Variants in TRPC7 observed in about 807,000 individuals in gnomAD.
TRPC7 encodes the protein transient receptor potential cation channel subfamily C member 7, also known as short transient receptor potential channel 7.
A neutral mutation model predicts 90.1 loss-of-function variants in TRPC7; 42 were observed. That is an observed-to-expected ratio of 0.47 (90% CI 0.36 to 0.60). The LOEUF is 0.60. Ranked by LOEUF, TRPC7 falls within the 20% of genes least tolerant of loss-of-function variation. The pLI, the probability that TRPC7 is intolerant of heterozygous loss-of-function variation, is 0.00. For missense variants in TRPC7, 955 were observed against 1,112.3 expected, an observed-to-expected ratio of 0.86 and a Z score of 2.01; for synonymous variants, 451 against 436.3, an observed-to-expected ratio of 1.03 and a Z score of -0.42.
chr5:136,279,736 C>T (rs1290738681), intron 3 of TRPC7, among the ~76,000 whole-genome samples: 1 of 152,186 alleles, frequency 6.6e-6, no homozygotes, highest in African/African-American at 2.4e-5. Flanking sequence ...AGCAAGTTTT[C>T]TTGGATTATT....
intron 2 of TRPC7, among the ~76,000 whole-genome samples, chr5:136,318,429 A>G (rs1759095057): frequency 1.3e-5 from 2 of 151,852 alleles, no homozygotes; most frequent in Non-Finnish European, 2.9e-5. Flanking sequence ...GAGTAAAGTG[A>G]GACCAGAGAG....
In TRPC7 at chr5:136,213,215, G is replaced by C. The variant is rs574277368; in HGVS notation, c.*220C>G. On this transcript the variant is annotated 3_prime_UTR_variant, in exon 12 of 12. Transcript: ENST00000513104. The stretch of plus-strand genomic sequence containing the variant: ...GGGGCTGTTCCTCCCCTCCTCCCAT[G>C]GTAGCTTTTCTTACCCAACCACCTA... 4 of 556,014 alleles carry C rather than the reference G, an allele frequency of 7.2e-6. No individual in the cohort carries two copies. Among genetic ancestry groups the C allele is most frequent in the Admixed American group, 6.5e-5 (2 of 30,614 alleles). The allele number at this position is 556,014 out of a possible 1,614,324, so 34.4% of individuals were successfully genotyped here.
intron 3 of TRPC7, among the ~76,000 whole-genome samples, chr5:136,293,653 A>C (rs1259075891): frequency 6.6e-6 from 1 of 152,244 alleles, no homozygotes; most frequent in Non-Finnish European, 1.5e-5. Flanking sequence ...ATACAAGCAA[A>C]TGGGAGAACA....
chr5:136,332,641 T>C (rs960652894), intron 2 of TRPC7, among the ~76,000 whole-genome samples: 21 of 152,092 alleles, frequency 1.4e-4, no homozygotes, highest in Non-Finnish European at 1.3e-4. Context: ...GAGGATTTAT[T>C]GATGAATGCT....
chr5:136,339,243 G>A (rs978888713), intron 2 of TRPC7, among the ~76,000 whole-genome samples: 1 of 152,176 alleles, frequency 6.6e-6, no homozygotes, highest in African/African-American at 2.4e-5. Context: ...TTGGTTTACA[G>A]TTTAACTTTA....
chr5:136,266,288 T>C lies in TRPC7; in HGVS notation c.1277A>G (p.Lys426Arg), dbSNP rs768816927. ...TGTGGTTTTCACTCTGAAGATTTGT[T>C]TTGGGTAGTCTGTGAAGGTTTCGTT... The part of the protein sequence containing the change: ...LPNETFTDYP[K>R]QIFRVKTTQF... The change falls in exon 5 of 12, where the codon AAA becomes AGA. Residue 426 changes from lysine (K) to arginine (R), a missense_variant. Around this residue, in one of 4 missense-constraint regions of TRPC7, gnomAD observed 484 missense variants for 509.6 expected, o/e 0.95. Coordinates refer to ENST00000513104, the MANE Select transcript of TRPC7 (RefSeq NM_020389.3). The C allele has an allele frequency of 6.2e-7, 1 of 1,613,968 alleles. No individual in the cohort carries two copies. Among genetic ancestry groups the C allele is most frequent in the Non-Finnish European group, 8.5e-7 (1 of 1,179,822 alleles).
chr5:136,240,707 T>C (rs1282992010), intron 7 of TRPC7, among the ~76,000 whole-genome samples: 1 of 152,182 alleles, frequency 6.6e-6, no homozygotes, highest in Admixed American at 6.5e-5. Flanking sequence ...GAGGATGGGC[T>C]TGGACTCATG....
At chr5:136,262,592 AT>A (rs1263371785) in intron 5 of TRPC7, among the ~76,000 whole-genome samples, 2 of 152,346 alleles carry the variant, frequency 1.3e-5, no homozygotes, top group African/African-American at 4.8e-5. Context: ...ATACTAAGAA[AT>A]TATTAATTTT....
chr5:136,303,472 G>T (rs1358412998), intron 3 of TRPC7, among the ~76,000 whole-genome samples: 1 of 152,042 alleles, frequency 6.6e-6, no homozygotes, highest in Admixed American at 6.5e-5. Context: ...GCAATTCCTT[G>T]CCTCCACTGT....
chr5:136,296,784 GT>G, intron 3 of TRPC7, among the ~76,000 whole-genome samples: 1 of 152,254 alleles, frequency 6.6e-6, no homozygotes, highest in African/African-American at 2.4e-5. Flanking sequence ...TTTTTATAAT[GT>G]TTTTTCAGTA....
At chr5:136,360,854 T>A (rs1561734640) in intron 1 of TRPC7, among the ~76,000 whole-genome samples, 2 of 152,236 alleles carry the variant, frequency 1.3e-5, no homozygotes. Context: ...TGTGGCCTTT[T>A]TATTAGCTCT....
At chr5:136,326,071 G>C (rs1759334454) in intron 2 of TRPC7, among the ~76,000 whole-genome samples, 1 of 152,208 alleles carries the variant, frequency 6.6e-6, no homozygotes, top group African/African-American at 2.4e-5. Context: ...ATAAGGGGCA[G>C]CTGGTAAGAA....
At chr5:136,278,954 C>T (rs952591003) in intron 3 of TRPC7, among the ~76,000 whole-genome samples, 1 of 152,086 alleles carries the variant, frequency 6.6e-6, no homozygotes, top group Admixed American at 6.5e-5. Context: ...CTCTGGAATG[C>T]TTCTTGGTTA....
intron 3 of TRPC7, among the ~76,000 whole-genome samples, chr5:136,307,019 A>C (rs1478029875): frequency 6.6e-6 from 1 of 152,228 alleles, no homozygotes; most frequent in Non-Finnish European, 1.5e-5. Flanking sequence ...ACGGACATGC[A>C]TGAAAATAGT....
At chr5:136,349,072 C>A (rs778519502) in intron 2 of TRPC7, among the ~76,000 whole-genome samples, 2 of 152,076 alleles carry the variant, frequency 1.3e-5, no homozygotes, top group Admixed American at 6.5e-5. Context: ...ATCTTTTCCA[C>A]GGAGATATTT....
At chr5:136,224,128 C>G (rs567079726) in intron 10 of TRPC7, among the ~76,000 whole-genome samples, 15 of 152,120 alleles carry the variant, frequency 9.9e-5, no homozygotes, top group Non-Finnish European at 2.2e-4. Flanking sequence ...GAAGGTGGCA[C>G]CAGGGGCACA....
chr5:136,235,488 T>C (rs1755954076), intron 7 of TRPC7, among the ~76,000 whole-genome samples: 1 of 152,118 alleles, frequency 6.6e-6, no homozygotes, highest in Non-Finnish European at 1.5e-5. Flanking sequence ...AATGAGTCAA[T>C]AGTAAATCAG....
intron 3 of TRPC7, among the ~76,000 whole-genome samples, chr5:136,299,992 A>C (rs1387337186): frequency 6.6e-6 from 1 of 152,188 alleles, no homozygotes; most frequent in East Asian, 1.9e-4. Flanking sequence ...GAACATAATG[A>C]TTAGTATATA....
chr5:136,258,926 A>C (rs1756769414), intron 5 of TRPC7, among the ~76,000 whole-genome samples: 1 of 152,214 alleles, frequency 6.6e-6, no homozygotes, highest in Non-Finnish European at 1.5e-5. Flanking sequence ...CTGTGAACCC[A>C]CAAGTCCTAA....
Sources: gnomAD v4.1 joint callset for allele counts (sites outside exome capture counted in the v4.1 genomes callset) on GRCh38, gnomAD v4.1.1 for gene constraint, gnomAD v4.1.1 regional missense constraint, MANE v1.5 for transcripts, NCBI Gene and HGNC (gene_info 2026-07-23, HGNC 2026-07-21) for gene names.